TTC28: variants seen among roughly 807,000 people sequenced by gnomAD.
TTC28 encodes tetratricopeptide repeat domain 28, also known as tetratricopeptide repeat protein 28.
In TTC28, 61 loss-of-function variants were observed where a neutral mutation model predicts 198.0. The observed-to-expected ratio is 0.31, with a 90% CI of 0.25 to 0.38. The LOEUF is 0.38. TTC28 is among the 10% of genes least tolerant of loss of function. The probability of loss-of-function intolerance (pLI) is 1.00; values close to 1 mark genes in which losing one functional copy is unlikely to be tolerated. For synonymous variants in TTC28, 1,171 were observed against 1,297.8 expected (o/e 0.90, Z 2.10); for missense variants, 2,678 against 3,164.0 (o/e 0.85, Z 3.69).
chr22:28,613,431 C>T (rs761062834), intron 2 of TTC28, among the ~76,000 whole-genome samples: 5 of 152,172 alleles, frequency 3.3e-5, no homozygotes, highest in African/African-American at 7.2e-5. Flanking sequence ...AAGAGGGAAT[C>T]CTCCCTACCT....
intron 6 of TTC28, among the ~76,000 whole-genome samples, chr22:28,134,297 A>G (rs1943142263): frequency 6.6e-6 from 1 of 152,194 alleles, no homozygotes; most frequent in Non-Finnish European, 1.5e-5. Flanking sequence ...TAAAAATCAG[A>G]GCGCCACTCC....
At chr22:28,678,907 G>T (rs1323085035) in intron 1 of TTC28, among the ~76,000 whole-genome samples, 2 of 152,198 alleles carry the variant, frequency 1.3e-5, no homozygotes, top group Non-Finnish European at 2.9e-5. Context: ...CTTCCCTGCT[G>T]TGGTGAGCCA....
intron 2 of TTC28, among the ~76,000 whole-genome samples, chr22:28,386,699 T>C (rs2046603838): frequency 6.6e-6 from 1 of 152,314 alleles, no homozygotes; most frequent in South Asian, 2.1e-4. Context: ...AGCCACTAAA[T>C]ATTTAATAGC....
chr22:28,074,289 A>G (rs1941096614), intron 12 of TTC28, among the ~76,000 whole-genome samples: 1 of 152,216 alleles, frequency 6.6e-6, no homozygotes, highest in South Asian at 2.1e-4. Context: ...ATACAAAGTC[A>G]GGGATATTGA....
chr22:28,097,455 T>C (rs1005881452), intron 10 of TTC28, among the ~76,000 whole-genome samples: 2 of 152,222 alleles, frequency 1.3e-5, no homozygotes, highest in African/African-American at 4.8e-5. Context: ...TCTCTAGTTC[T>C]TTAAAATTGC....
chr22:28,091,350 G>A (rs1206030681), intron 12 of TTC28, among the ~76,000 whole-genome samples: 2 of 152,160 alleles, frequency 1.3e-5, no homozygotes, highest in South Asian at 2.1e-4. Flanking sequence ...TTTGGATTAG[G>A]TGAAATATAC....
chr22:28,158,800 T>C (rs1943817471), intron 6 of TTC28, among the ~76,000 whole-genome samples: 1 of 152,172 alleles, frequency 6.6e-6, no homozygotes, highest in Non-Finnish European at 1.5e-5. Flanking sequence ...GACTTCAAAC[T>C]ATGAAAGTAC....
At chr22:28,612,975 C>G (rs1055836436) in intron 2 of TTC28, among the ~76,000 whole-genome samples, 1 of 151,958 alleles carries the variant, frequency 6.6e-6, no homozygotes, top group Non-Finnish European at 1.5e-5. Flanking sequence ...CAAGAAATAA[C>G]TAAGATCAGA....
chr22:28,270,725 A>G (rs1392901967), intron 5 of TTC28, among the ~76,000 whole-genome samples: 1 of 152,180 alleles, frequency 6.6e-6, no homozygotes. Context: ...CAGGTAATCA[A>G]GCTGTGTTAC....
chr22:28,505,736 T>C (rs772111580), intron 2 of TTC28, among the ~76,000 whole-genome samples: 2 of 152,162 alleles, frequency 1.3e-5, no homozygotes, highest in Non-Finnish European at 1.5e-5. Context: ...CAACCATGCA[T>C]ACCCCTAGGA....
intron 17 of TTC28, 95 bp downstream of exon 17, chr22:27,996,040 A>G (rs1937545571): frequency 2.0e-6 from 3 of 1,471,586 alleles, no homozygotes; most frequent in Admixed American, 4.3e-5. Context: ...TGTCCTCTCC[A>G]ACTGCTCACA....
chr22:28,215,921 G>A (rs1927359451), intron 5 of TTC28, among the ~76,000 whole-genome samples: 1 of 152,204 alleles, frequency 6.6e-6, no homozygotes, highest in African/African-American at 2.4e-5. Context: ...TTTGCACAAA[G>A]TACAGGCTAA....
At chr22:28,167,902 G>A (rs964378630) in intron 5 of TTC28, among the ~76,000 whole-genome samples, 1 of 152,222 alleles carries the variant, frequency 6.6e-6, no homozygotes, top group Non-Finnish European at 1.5e-5. Flanking sequence ...CAGATGACAT[G>A]ATTGTATATC....
intron 5 of TTC28, among the ~76,000 whole-genome samples, chr22:28,278,577 T>C (rs2044517525): frequency 6.6e-6 from 1 of 152,238 alleles, no homozygotes; most frequent in South Asian, 2.1e-4. Flanking sequence ...TGGTGATTTC[T>C]ATTAAATTGC....
intron 12 of TTC28, among the ~76,000 whole-genome samples, chr22:28,031,922 G>C (rs1939096588): frequency 6.6e-6 from 1 of 151,826 alleles, no homozygotes; most frequent in Non-Finnish European, 1.5e-5. Context: ...AGTAGAGAAA[G>C]AGAAAATTTG....
rs731050 is a variant in TTC28 at position 28,231,121 on chromosome 22, C to T, written c.933+65077G>A. 5.9e-3 allele frequency among the ~76,000 whole-genome samples: 898 copies of T among 152,290 alleles called. 3 individuals are homozygous for T. The highest frequency in any genetic ancestry group is 0.01 in the Middle Eastern group (3 of 294). ...CTGTTCATGCCACAACTACTGACTA[C>T]ATATCTAGCACGTATAGGTACTGTG... On this transcript the variant is annotated intron_variant, in intron 5 of 22. Transcript: ENST00000397906.
rs1366044175 is a variant in TTC28 at position 27,979,171 on chromosome 22, T to A, written c.*3050A>T. 2.6e-5 allele frequency: 4 copies of A among 151,968 alleles called. No homozygotes were observed. The highest frequency in any genetic ancestry group is 5.9e-5 in the Non-Finnish European group (4 of 68,000). 9.4% of individuals were successfully genotyped at this position (151,968 alleles called of 1,614,324 possible). ...CATTTTCTGTCATCCATACCAGGAG[T>A]CAGCAAACTTCTTAAAAGGCCAGGT... On this transcript the variant is annotated 3_prime_UTR_variant, in exon 23 of 23. Transcript: ENST00000397906.
chr22:28,677,221 T>TA (rs1291288580), intron 1 of TTC28, among the ~76,000 whole-genome samples: 1 of 140,182 alleles, frequency 7.1e-6, no homozygotes, highest in African/African-American at 2.7e-5. Context: ...TATATTAAGT[T>TA]AAAACCCTAC....
chr22:28,671,554 G>A (rs918722552), intron 1 of TTC28, among the ~76,000 whole-genome samples: 5 of 145,706 alleles, frequency 3.4e-5, no homozygotes, highest in African/African-American at 7.7e-5. Context: ...AGAATGGCGT[G>A]AACCCGGTAG....
Sources: gnomAD v4.1 joint callset for allele counts (sites outside exome capture counted in the v4.1 genomes callset) on GRCh38, gnomAD v4.1.1 for gene constraint, MANE v1.5 for transcripts, NCBI Gene and HGNC (gene_info 2026-07-23, HGNC 2026-07-21) for gene names.